HTR7: variants seen among roughly 807,000 people sequenced by gnomAD.
HTR7 encodes 5-HT-7.
HTR7 carries 16 observed loss-of-function variants against 34.0 expected under a neutral mutation model. That is an observed-to-expected ratio of 0.47 (90% CI 0.32 to 0.71). The LOEUF is 0.71. Among genes scored for constraint, HTR7 ranks in the 30% least tolerant of loss-of-function variants. HTR7 has a pLI of 0.04. For missense variants in HTR7, 504 were observed against 625.5 expected (o/e 0.81, Z 2.07); for synonymous variants, 265 against 260.2 (o/e 1.02, Z -0.18).
intron 1 of HTR7, among the ~76,000 whole-genome samples, chr10:90,766,394 C>G (rs908858457): frequency 6.6e-6 from 1 of 152,208 alleles, no homozygotes; most frequent in African/African-American, 2.4e-5. Flanking sequence ...CATTTTCCAT[C>G]CCACTTTCAG....
chr10:90,836,342 C>G (rs556582142), intron 1 of HTR7, among the ~76,000 whole-genome samples: 8 of 152,228 alleles, frequency 5.3e-5, no homozygotes, highest in African/African-American at 1.9e-4. Flanking sequence ...TCAAATAACT[C>G]CTTAATCCCA....
chr10:90,804,144 G>A (rs1433562092), intron 1 of HTR7, among the ~76,000 whole-genome samples: 1 of 152,112 alleles, frequency 6.6e-6, no homozygotes, highest in East Asian at 1.9e-4. Flanking sequence ...CTTCAGAGAG[G>A]AGCCCAGACA....
intron 1 of HTR7, among the ~76,000 whole-genome samples, chr10:90,760,862 C>A (rs1178261137): frequency 3.3e-5 from 5 of 152,218 alleles, no homozygotes; most frequent in Middle Eastern, 3.4e-3. Flanking sequence ...GCCTGCGCAA[C>A]AGAGTGAGAC....
intron 1 of HTR7, among the ~76,000 whole-genome samples, chr10:90,852,272 G>T (rs1846513373): frequency 1.3e-5 from 2 of 151,560 alleles, no homozygotes; most frequent in Admixed American, 1.3e-4. Flanking sequence ...AGAAGAAAAT[G>T]ATCTCAGATG....
At chr10:90,782,742 T>G (rs955064) in intron 1 of HTR7, among the ~76,000 whole-genome samples, 12,237 of 152,266 alleles carry the variant, frequency 0.08, 750 homozygotes, top group African/African-American at 0.16. Context: ...TTCATTGACA[T>G]GTACAATTTT....
intron 1 of HTR7, among the ~76,000 whole-genome samples, chr10:90,753,062 A>G (rs888106953): frequency 6.6e-6 from 1 of 152,240 alleles, no homozygotes; most frequent in Non-Finnish European, 1.5e-5. Flanking sequence ...GTGAAGAGTT[A>G]AAAGTCAAAT....
At chr10:90,787,506 T>G (rs7899109) in intron 1 of HTR7, among the ~76,000 whole-genome samples, 2 of 151,502 alleles carry the variant, frequency 1.3e-5, no homozygotes, top group Non-Finnish European at 1.5e-5. Flanking sequence ...AAAATAAAAA[T>G]AAAAAAAATA....
In HTR7 at chr10:90,742,228, C is replaced by T; in HGVS notation, c.*254G>A. 3.2e-6 allele frequency: 1 copy of T among 307,952 alleles called. No individual in the cohort carries two copies. The highest frequency in any genetic ancestry group is 6.0e-6 in the Non-Finnish European group (1 of 166,490). The allele number at this position is 307,952 out of a possible 1,614,324, so 19.1% of individuals were successfully genotyped here. The stretch of plus-strand genomic sequence containing the variant: ...ACTGCTTCCTTTCTGGAACTCAGTT[C>T]TGTTGGTGTGCTTACTGCTGAGATG... On this transcript the variant is annotated 3_prime_UTR_variant, in exon 4 of 4. Coordinates refer to ENST00000336152, the MANE Select transcript of HTR7 (RefSeq NM_019859.4).
At chr10:90,742,747 T>C (rs761336283) in intron 3 of HTR7, among the ~76,000 whole-genome samples, 9 of 152,174 alleles carry the variant, frequency 5.9e-5, no homozygotes, top group Non-Finnish European at 1.2e-4. Flanking sequence ...TTAATATATT[T>C]GCAAATCAGC....
At chr10:90,838,923 C>T (rs1196679700) in intron 1 of HTR7, among the ~76,000 whole-genome samples, 1 of 152,142 alleles carries the variant, frequency 6.6e-6, no homozygotes, top group Non-Finnish European at 1.5e-5. Flanking sequence ...TTTAACTTAT[C>T]TGTTTCTTAT....
At chr10:90,757,896 T>G (rs1844860504) in intron 1 of HTR7, among the ~76,000 whole-genome samples, 1 of 152,162 alleles carries the variant, frequency 6.6e-6, no homozygotes, top group African/African-American at 2.4e-5. Flanking sequence ...GTAAGAGACC[T>G]TAATAAATAT....
rs963179479 is a variant in HTR7, at chr10:90,822,484, T to C, written c.539+34649A>G. 4.6e-5 allele frequency among the ~76,000 whole-genome samples: 7 copies of C among 152,218 alleles called. No individual in the cohort carries two copies. In the East Asian group the frequency reaches 1.3e-3, roughly 29 times the overall value. On this transcript the variant is annotated intron_variant, in intron 1 of 3. Transcript: ENST00000336152. ...TGCTTCTAACAGCATATGCTTGTAT[T>C]CATAAGCAAAGAGATGATCTGAAAC...
chr10:90,815,161 G>C (rs923392722), intron 1 of HTR7, among the ~76,000 whole-genome samples: 2 of 150,828 alleles, frequency 1.3e-5, no homozygotes, highest in African/African-American at 4.9e-5. Flanking sequence ...GTGCGATCTC[G>C]GCTCACCGCA....
At chr10:90,836,002 G>C (rs1222553346) in intron 1 of HTR7, among the ~76,000 whole-genome samples, 4 of 152,152 alleles carry the variant, frequency 2.6e-5, no homozygotes, top group Non-Finnish European at 5.9e-5. Context: ...TCTGAGGTGT[G>C]ATGATGCACC....
chr10:90,763,865 T>C (rs769620122), intron 1 of HTR7, among the ~76,000 whole-genome samples: 6 of 152,248 alleles, frequency 3.9e-5, no homozygotes, highest in African/African-American at 1.2e-4. Flanking sequence ...CGGTCTATCA[T>C]TGACGAGCAT....
In HTR7 at chr10:90,807,604, T is replaced by G. The variant is rs563097272; in HGVS notation, c.539+49529A>C. ...TAATTTTCCTTTACCTACCCAAATA[T>G]TATAAAACGGCCCCACCCCTATCTC... On this transcript the variant is annotated intron_variant, in intron 1 of 3. Coordinates refer to ENST00000336152, the MANE Select transcript of HTR7 (RefSeq NM_019859.4). Among the ~76,000 whole-genome samples the G allele has an allele frequency of 3.3e-5, 5 of 152,338 alleles. No homozygotes were observed. In the South Asian group the frequency reaches 1.0e-3, roughly 32 times the overall value.
intron 1 of HTR7, among the ~76,000 whole-genome samples, chr10:90,829,553 G>A (rs1589471236): frequency 6.6e-6 from 1 of 151,898 alleles, no homozygotes; most frequent in East Asian, 1.9e-4. Context: ...GGTGTGTGAT[G>A]TTCCCCTCCC....
At chr10:90,836,587 T>C (rs1367693787) in intron 1 of HTR7, among the ~76,000 whole-genome samples, 2 of 152,160 alleles carry the variant, frequency 1.3e-5, no homozygotes, top group African/African-American at 4.8e-5. Flanking sequence ...CACACCTCAC[T>C]GTAGCCTCGA....
At chr10:90,855,830 A>G (rs764009807) in intron 1 of HTR7, among the ~76,000 whole-genome samples, 6 of 152,206 alleles carry the variant, frequency 3.9e-5, no homozygotes, top group Non-Finnish European at 4.4e-5. Flanking sequence ...AATCAATTTA[A>G]AGAAAAATAA....
Sources: allele counts gnomAD v4.1 joint callset (sites outside exome capture counted in the v4.1 genomes callset), GRCh38; gene constraint gnomAD v4.1.1; transcripts MANE v1.5; gene names NCBI Gene and HGNC (gene_info 2026-07-23, HGNC 2026-07-21).